LAMA5: variants seen among roughly 807,000 people sequenced by gnomAD.
LAMA5 encodes the protein laminin subunit alpha 5.
In LAMA5, 260 loss-of-function variants were observed where a neutral mutation model predicts 433.4. The observed-to-expected ratio is 0.60, with a 90% CI of 0.54 to 0.66. The LOEUF (loss-of-function observed/expected upper bound fraction) is 0.66. Ranked by LOEUF, LAMA5 falls within the 30% of genes least tolerant of loss-of-function variation. The pLI, the probability that LAMA5 is intolerant of heterozygous loss-of-function variation, is 0.00. For synonymous variants in LAMA5, 2,620 were observed against 2,226.6 expected (o/e 1.18, Z -4.97); for missense variants, 5,378 against 5,258.5 (o/e 1.02, Z -0.70).
In LAMA5 at chr20:62,310,506, T is replaced by C. The variant is rs1986125411; in HGVS notation, c.10513A>G (p.Thr3505Ala). 6.4e-7 allele frequency: 1 copy of C among 1,560,768 alleles called. No homozygotes were observed. Among genetic ancestry groups the C allele is most frequent in the Non-Finnish European group, 8.6e-7 (1 of 1,160,814 alleles). The change falls in exon 76 of 80, where the codon ACA becomes GCA. Residue 3505 changes from threonine to alanine, a missense_variant. Thr to Ala is a moderately conservative substitution (Grantham distance 58). Coordinates refer to ENST00000252999, the MANE Select transcript of LAMA5 (RefSeq NM_005560.6). The part of the protein sequence containing the change: ...RLHGRPLGAP[T>A]RMAGVTPCIL... ...CAGGGTGTGACCCCTGCCATCCGTG[T>C]GGGGGCCCCCAGGGGCCTCCCGTGC... is the stretch of plus-strand genomic sequence containing the variant.
At chr20:62,325,201 G>A (rs1979061626) in intron 41 of LAMA5, 115 bp downstream of exon 41, 9 of 684,058 alleles carry the variant, frequency 1.3e-5, no homozygotes, top group Non-Finnish European at 1.2e-5. Context: ...CAGGAAGAGA[G>A]GTGAGTAGGG....
chr20:62,363,499 C>A (rs1986386874), intron 1 of LAMA5, among the ~76,000 whole-genome samples: 1 of 152,120 alleles, frequency 6.6e-6, no homozygotes, highest in African/African-American at 2.4e-5. Context: ...CCAGCAGAAT[C>A]CTGGCCTGCA....
Position 62,317,673 on chromosome 20 carries a change from G to A in LAMA5, c.7345C>T (p.Gln2449Ter), listed in dbSNP as rs1987102838. 6.3e-7 allele frequency: 1 copy of A among 1,590,152 alleles called. No individual in the cohort carries two copies. The highest frequency in any genetic ancestry group is 8.6e-7 in the Non-Finnish European group (1 of 1,169,032). The part of the protein sequence containing the change: ...SVFRLLHSLD[Q>*]AKEELERLAA... The stretch of plus-strand genomic sequence containing the variant: ...GGGGCTGCACTCACCTCCTTAGCCT[G>A]GTCCAGGCTGTGCAGCAATCTGAAG... The change falls in exon 54 of 80, where the codon CAG (glutamine) becomes TAG (stop). Residue 2449 changes from glutamine to a stop codon, truncating the protein, a stop_gained. Coordinates refer to ENST00000252999, the MANE Select transcript of LAMA5 (RefSeq NM_005560.6). LOFTEE classifies it high-confidence loss of function.
rs1200621687 is a variant in LAMA5, at chr20:62,324,974, G to A, written c.5529+342C>T. ...AGCTGGACAGACACACAGTGGGCGA[G>A]GGATGGGCAGAATGACAGGCAGACG... On this transcript the variant is annotated intron_variant, in intron 41 of 79. Coordinates refer to ENST00000252999, the MANE Select transcript of LAMA5 (RefSeq NM_005560.6). This position sits in a 1 kb window ranked among gnomAD's most constrained non-coding sequence, Gnocchi z 4.4. 2.4e-6 allele frequency: 1 copy of A among 410,870 alleles called. No homozygotes were observed. The highest frequency in any genetic ancestry group is 4.1e-5 in the Admixed American group (1 of 24,374). The allele number at this position is 410,870 out of a possible 1,614,324, so 25.5% of individuals were successfully genotyped here. A position where few individuals can be genotyped will look rare whatever the true frequency, so the allele number is the denominator to read the frequency against.
At position 62,346,112 on chromosome 20, in the gene LAMA5, G is replaced by C. The variant is rs147766243; in HGVS notation, c.1386C>G (p.Ala462=). The stretch of plus-strand genomic sequence containing the variant: ...AGCTTGGGAAGCCCGTGAAGCCCTC[G>C]GCACACACGTCACACCGCTCCCCAG... ...NFSGERCDVC[A]EGFTGFPSCY... is the part of the protein sequence containing the mutation. Residue 462 remains alanine, a synonymous_variant, in exon 10 of 80, where the codon GCC becomes GCG. Coordinates refer to ENST00000252999, the MANE Select transcript of LAMA5 (RefSeq NM_005560.6). The C allele has an allele frequency of 9.3e-6, 15 of 1,612,890 alleles. No homozygotes were observed. The highest frequency in any genetic ancestry group is 1.2e-5 in the Non-Finnish European group (14 of 1,179,994).
At chr20:62,319,308 C>T (rs537264179) in intron 51 of LAMA5, among the ~76,000 whole-genome samples, 1 of 152,166 alleles carries the variant, frequency 6.6e-6, no homozygotes. Flanking sequence ...GGCCAGCTCT[C>T]TCTGACATGG....
At chr20:62,323,429 G>T (rs114216404) in intron 45 of LAMA5, 27 bp downstream of exon 45, 1 of 1,507,160 alleles carries the variant, frequency 6.6e-7, no homozygotes, top group South Asian at 1.2e-5. Flanking sequence ...CCTCCCCAGG[G>T]TGCATCCCTC....
rs922555365 is a variant in LAMA5 at position 62,324,998 on chromosome 20, C to T, written c.5529+318G>A. On this transcript the variant is annotated intron_variant, in intron 41 of 79. Transcript: ENST00000252999. This position sits in a 1 kb window ranked among gnomAD's most constrained non-coding sequence, Gnocchi z 4.4. Reference sequence around the variant, plus strand: ...AGGGATGGGCAGAATGACAGGCAGACGCCAGGATGGTCGGTGGGGGATGTC... The same window carrying T: ...AGGGATGGGCAGAATGACAGGCAGATGCCAGGATGGTCGGTGGGGGATGTC... 5.3e-5 allele frequency: 22 copies of T among 416,840 alleles called. No individual in the cohort carries two copies. Among genetic ancestry groups the T allele is most frequent in the Middle Eastern group, 6.5e-4 (1 of 1,542 alleles). 25.8% of individuals were successfully genotyped at this position (416,840 alleles called of 1,614,324 possible). A position where few individuals can be genotyped will look rare whatever the true frequency, so the allele number is the denominator to read the frequency against.
chr20:62,350,702 T>C (rs549567624), intron 6 of LAMA5, among the ~76,000 whole-genome samples: 15 of 152,228 alleles, frequency 9.9e-5, no homozygotes, highest in Non-Finnish European at 1.9e-4. Context: ...TGCACCACTC[T>C]GAGTGGCTTC....
intron 2 of LAMA5, among the ~76,000 whole-genome samples, chr20:62,361,032 A>C (rs1986073414): frequency 2.0e-5 from 3 of 151,964 alleles, no homozygotes; most frequent in African/African-American, 7.3e-5. Context: ...CCCCCAGCCC[A>C]GCCCCCTAGT....
In LAMA5 at chr20:62,325,334, G is replaced by C; in HGVS notation, c.5511C>G (p.Tyr1837Ter). The C allele has an allele frequency of 6.3e-7, 1 of 1,591,546 alleles. No homozygotes were observed. The highest frequency in any genetic ancestry group is 8.6e-7 in the Non-Finnish European group (1 of 1,166,424). ...NVELCLCPAS[Y>*]RGDSCQECAP... The stretch of plus-strand genomic sequence containing the variant: ...ACCTCACCTGGCATGAGTCCCCCCG[G>C]TAGCTGGCGGGGCACAGGCACAGCT... The change falls in exon 41 of 80, where the codon TAC becomes TAG. Residue 1837 changes from tyrosine to a stop codon, truncating the protein, a stop_gained. Coordinates refer to ENST00000252999, the MANE Select transcript of LAMA5 (RefSeq NM_005560.6). LOFTEE classifies it high-confidence loss of function.
intron 11 of LAMA5, among the ~76,000 whole-genome samples, chr20:62,341,879 C>T (rs945515187): frequency 4.8e-5 from 7 of 146,392 alleles, no homozygotes; most frequent in Non-Finnish European, 8.9e-5. Context: ...TAAAAATAGA[C>T]GAGAATAGAA....
chr20:62,353,084 C>T (rs1396402042), intron 3 of LAMA5, 50 bp downstream of exon 3: 1 of 1,374,020 alleles, frequency 7.3e-7, no homozygotes, highest in South Asian at 1.3e-5. Context: ...AGGGCCTGCC[C>T]AGGGACCCCC....
intron 10 of LAMA5, 61 bp from the exon 11 acceptor site, chr20:62,345,938 CCT>C (rs1983289752): frequency 9.0e-6 from 14 of 1,557,442 alleles, no homozygotes; most frequent in Non-Finnish European, 1.2e-5. Context: ...CCCTACACCC[CCT>C]GCCACCCTTG....
chr20:62,332,823 G>T, intron 26 of LAMA5, 106 bp from the exon 27 acceptor site: 2 of 1,398,280 alleles, frequency 1.4e-6, no homozygotes, highest in Non-Finnish European at 1.9e-6. Flanking sequence ...CCCTTCAGCC[G>T]AGTCCCACCC....
intron 1 of LAMA5, among the ~76,000 whole-genome samples, chr20:62,364,909 C>T (rs1239770333): frequency 6.6e-6 from 1 of 152,288 alleles, no homozygotes; most frequent in Non-Finnish European, 1.5e-5. Context: ...GGAGCTGCGG[C>T]TTCATCGCCT....
In LAMA5 at chr20:62,362,504, G is replaced by A; in HGVS notation, c.346C>T (p.Pro116Ser). The A allele has an allele frequency of 2.5e-6, 4 of 1,604,320 alleles. No individual in the cohort carries two copies. Among genetic ancestry groups the A allele is most frequent in the Non-Finnish European group, 3.4e-6 (4 of 1,174,952 alleles). ...CTAANSNKAH[P>S]ASNAIDGTER... The stretch of plus-strand genomic sequence containing the variant: ...GTGCCATCGATGGCATTGCTCGCGG[G>A]GTGTGCCTTGTTGCTGTTGGCAGCC... Residue 116 changes from proline to serine, a missense_variant, in exon 2 of 80, where the codon CCC (proline) becomes TCC (serine). Physicochemically the swap from Pro to Ser is moderately conservative, Grantham distance 74. Coordinates refer to ENST00000252999, the MANE Select transcript of LAMA5 (RefSeq NM_005560.6).
At chr20:62,347,472 CCT>C (rs1555883168) in intron 6 of LAMA5, among the ~76,000 whole-genome samples, 3 of 152,134 alleles carry the variant, frequency 2.0e-5, no homozygotes, top group African/African-American at 7.2e-5. Context: ...CCAAAACCTC[CCT>C]GAGCCAGAAG....
In LAMA5 at chr20:62,330,853, G is replaced by T; in HGVS notation, c.3742C>A (p.Leu1248Met). ...GGAGTGAGATCCTGCGCGTGGGTCA[G>T]CGGGAGGCCGGGCGGCAGCGGGATC... is the stretch of plus-strand genomic sequence containing the variant. ...QVIPLPPGLP[L>M]THAQDLTPAM... is the part of the protein sequence containing the mutation. Residue 1248 changes from leucine to methionine, a missense_variant, in exon 30 of 80, where the codon CTG becomes ATG. Transcript: ENST00000252999. The T allele has an allele frequency of 6.5e-7, 1 of 1,541,148 alleles. No homozygotes were observed.
Sources: gnomAD v4.1 joint callset for allele counts (sites outside exome capture counted in the v4.1 genomes callset) on GRCh38, gnomAD v4.1.1 for gene constraint, Gnocchi (gnomAD v3.1) non-coding constraint, MANE v1.5 for transcripts, NCBI Gene and HGNC (gene_info 2026-07-23, HGNC 2026-07-21) for gene names.